The following TBCE variants were observed in gnomAD, a reference collection of about 807,000 sequenced individuals.
The protein encoded by TBCE is tubulin folding cofactor E, also known as tubulin-specific chaperone E.
In TBCE, 53 loss-of-function variants were observed where a neutral mutation model predicts 77.0. That is an observed-to-expected ratio of 0.69 (90% CI 0.55 to 0.87). The LOEUF (loss-of-function observed/expected upper bound fraction) is 0.87, where lower values mean the gene tolerates loss of function less well. Ranked by LOEUF, TBCE falls within the 40% of genes least tolerant of loss-of-function variation. The probability of loss-of-function intolerance (pLI) is 0.00; values close to 1 mark genes in which losing one functional copy is unlikely to be tolerated. For missense variants in TBCE, 624 were observed against 622.4 expected (o/e 1.00, Z -0.03); for synonymous variants, 235 against 241.3 (o/e 0.97, Z 0.24).
In TBCE at chr1:235,438,916, T is replaced by C. The variant is rs2102929618; in HGVS notation, c.1264T>C (p.Cys422Arg). The change falls in exon 13 of 17, where the codon TGC becomes CGC. Residue 422 changes from cysteine (C) to arginine (R), a missense_variant. By Grantham distance (180) the Cys-to-Arg change is radical (BLOSUM62 -3). Transcript: ENST00000642610. ...LTAHPRYQFL[C>R]LKYGAPEDWE... ...AGCCCATCCCAGATACCAGTTCCTC[T>C]GCCTGAGTACGTGCGTATACACTGG... 3 of 1,614,170 alleles carry C rather than the reference T, an allele frequency of 1.9e-6. No homozygotes were observed. The South Asian group carries it at 3.3e-5, about 18-fold the overall frequency.
At chr1:235,379,570 A>G (rs866770318) in intron 1 of TBCE, among the ~76,000 whole-genome samples, 1 of 151,440 alleles carries the variant, frequency 6.6e-6, no homozygotes, top group Non-Finnish European at 1.5e-5. Flanking sequence ...TTCTAGCGCA[A>G]ATGTATCGTT....
chr1:235,386,181 G>GATCCGCTGTTA, intron 2 of TBCE, among the ~76,000 whole-genome samples: 1 of 152,302 alleles, frequency 6.6e-6, no homozygotes, highest in South Asian at 2.1e-4. Flanking sequence ...TCTGCCAAGA[G>GATCCGCTGTTA]ATCCGCTGTT....
chr1:235,404,960 C>CTTTTTT (rs71174427), intron 3 of TBCE, among the ~76,000 whole-genome samples: 1 of 126,016 alleles, frequency 7.9e-6, no homozygotes, highest in African/African-American at 3.0e-5. Flanking sequence ...ATGCCCGGTA[C>CTTTTTT]TTTTTTTTTT....
At chr1:235,377,584 T>G (rs1306509456) in intron 1 of TBCE, among the ~76,000 whole-genome samples, 1 of 152,118 alleles carries the variant, frequency 6.6e-6, no homozygotes, top group Non-Finnish European at 1.5e-5. Flanking sequence ...ATGCTTAGAT[T>G]ATTCTGTAAT....
At chr1:235,395,764 C>T (rs748448654) in intron 2 of TBCE, among the ~76,000 whole-genome samples, 5 of 151,826 alleles carry the variant, frequency 3.3e-5, no homozygotes, top group Non-Finnish European at 7.4e-5. Flanking sequence ...AGGCTGCTCT[C>T]GAACTCCTGA....
rs746788701 is a variant in TBCE at position 235,448,754 on chromosome 1, C to T, written c.1576C>T (p.Arg526Ter). Reference sequence around the variant, plus strand: ...GGAAAATGGAGATTGTCTATTAGTGCGATGGTGACAACCAACTAATAAAAT... The same window carrying T: ...GGAAAATGGAGATTGTCTATTAGTGTGATGGTGACAACCAACTAATAAAAT... Reference protein sequence around the residue: ...SVENGDCLLVRW With the variant: ...SVENGDCLLV Residue 526 changes from arginine to a stop codon, truncating the protein, a stop_gained, in exon 17 of 17, where the codon CGA becomes TGA. Transcript: ENST00000642610. LOFTEE classifies it high-confidence loss of function. 21 of 1,610,228 alleles carry T rather than the reference C, an allele frequency of 1.3e-5. No individual in the cohort carries two copies. The highest frequency in any genetic ancestry group is 8.8e-5 in the South Asian group (8 of 90,982).
chr1:235,434,197 CTT>C lies in TBCE; in HGVS notation c.661-6_661-5del. On this transcript the variant is annotated splice_polypyrimidine_tract_variant and splice_region_variant and intron_variant, in intron 7 of 16. Transcript: ENST00000642610. ...CCGCCTGAGCCTGAACCGAGTTTCTCTTCCAGGTGCTGCGGTGTGTCGCGGGG... is the reference window on the plus strand; with the variant it reads ...CCGCCTGAGCCTGAACCGAGTTTCTCCCAGGTGCTGCGGTGTGTCGCGGGG... 1 of 1,614,098 alleles carries C rather than the reference CTT, an allele frequency of 6.2e-7. No individual in the cohort carries two copies. The highest frequency in any genetic ancestry group is 8.5e-7 in the Non-Finnish European group (1 of 1,179,974).
Position 235,430,677 on chromosome 1 carries a change from G to A in TBCE, c.561-28G>A, listed in dbSNP as rs1681033477. 25 of 1,530,184 alleles carry A rather than the reference G, an allele frequency of 1.6e-5. No individual in the cohort carries two copies. The East Asian group carries it at 5.7e-4, about 35-fold the overall frequency. 94.8% of individuals were successfully genotyped at this position (1,530,184 alleles called of 1,614,324 possible). On this transcript the variant is annotated intron_variant, in intron 6 of 16. Coordinates refer to ENST00000642610, the MANE Select transcript of TBCE (RefSeq NM_003193.5). ...AGTTGGGTTTACTGTATAGAAATAA[G>A]TACATTGTATCTTTTTTTTCTACAC...
chr1:235,438,902 G>C lies in TBCE; in HGVS notation c.1250G>C (p.Arg417Thr). 1 of 1,614,146 alleles carries C rather than the reference G, an allele frequency of 6.2e-7. No homozygotes were observed. The highest frequency in any genetic ancestry group is 8.5e-7 in the Non-Finnish European group (1 of 1,180,038). The change falls in exon 13 of 17, where the codon AGA (arginine) becomes ACA (threonine). Residue 417 changes from arginine (R) to threonine (T), a missense_variant. Physicochemically the swap from Arg to Thr is moderately conservative, Grantham distance 71. Coordinates refer to ENST00000642610, the MANE Select transcript of TBCE (RefSeq NM_003193.5). ...GAAGAATTCCTCACAGCCCATCCCA[G>C]ATACCAGTTCCTCTGCCTGAGTACG... ...LSEEFLTAHP[R>T]YQFLCLKYGA...
At chr1:235,371,323 T>C (rs1354245031) in intron 1 of TBCE, among the ~76,000 whole-genome samples, 1 of 151,408 alleles carries the variant, frequency 6.6e-6, no homozygotes, top group Non-Finnish European at 1.5e-5. Context: ...CTCAAACTGC[T>C]GGGATTACAG....
chr1:235,414,390 G>A (rs754436892), intron 3 of TBCE, 43 bp from the exon 4 acceptor site: 78 of 1,598,698 alleles, frequency 4.9e-5, no homozygotes, highest in Non-Finnish European at 6.6e-5. Flanking sequence ...GGCCTTTCTT[G>A]GTGGGTAATA....
rs186707182 is a variant in TBCE, at chr1:235,392,874, A to G, written c.101-8629A>G. Among the ~76,000 whole-genome samples, 38 of 152,082 alleles carry G rather than the reference A, an allele frequency of 2.5e-4. No individual in the cohort carries two copies. In the East Asian group the frequency reaches 6.4e-3, roughly 26 times the overall value. On this transcript the variant is annotated intron_variant, in intron 2 of 16. Transcript: ENST00000642610. ...CTGTCTTTTAACAAAATTATTTGCC[A>G]GGCATGGTGACTCAGGCCTGTAGTC... is the stretch of plus-strand genomic sequence containing the variant.
At position 235,451,658 on chromosome 1, in the gene TBCE, A is replaced by T. The variant is rs1175882689; in HGVS notation, c.*2896A>T. 6.6e-6 allele frequency: 1 copy of T among 152,200 alleles called. No homozygotes were observed. Among genetic ancestry groups the T allele is most frequent in the Non-Finnish European group, 1.5e-5 (1 of 68,034 alleles). The allele number at this position is 152,200 out of a possible 1,614,324, so 9.4% of individuals were successfully genotyped here. On this transcript the variant is annotated 3_prime_UTR_variant, in exon 17 of 17. Transcript: ENST00000642610. ...AGGAATCAGACTATCAAAGTGGACC[A>T]TGTAGATGTGGGTTGATTTCTTGTC...
At chr1:235,410,082 T>G (rs894406749) in intron 3 of TBCE, among the ~76,000 whole-genome samples, 37 of 145,378 alleles carry the variant, frequency 2.5e-4, no homozygotes, top group Non-Finnish European at 2.9e-4. Flanking sequence ...GGGCGTGGTG[T>G]TGCACGCCTG....
At chr1:235,439,645 G>T (rs1287255146) in intron 13 of TBCE, among the ~76,000 whole-genome samples, 1 of 147,168 alleles carries the variant, frequency 6.8e-6, no homozygotes, top group African/African-American at 2.5e-5. Context: ...CCGCCACCAC[G>T]CCCGACTAAT....
At chr1:235,432,250 C>G (rs904189581) in intron 7 of TBCE, among the ~76,000 whole-genome samples, 2 of 152,196 alleles carry the variant, frequency 1.3e-5, no homozygotes, top group Non-Finnish European at 2.9e-5. Flanking sequence ...TCCCAAAATG[C>G]TGGGATTACA....
At chr1:235,435,248 G>A (rs1681369073) in intron 8 of TBCE, among the ~76,000 whole-genome samples, 1 of 151,708 alleles carries the variant, frequency 6.6e-6, no homozygotes, top group South Asian at 2.1e-4. Flanking sequence ...CTACAGGCAC[G>A]TGCCACCATG....
intron 2 of TBCE, 58 bp from the exon 3 acceptor site, chr1:235,401,445 A>AC: frequency 6.8e-7 from 1 of 1,461,022 alleles, no homozygotes; most frequent in East Asian, 2.3e-5. Flanking sequence ...CTTGCAGAAA[A>AC]CTGGAGCATT....
chr1:235,400,561 T>A (rs1369336887), intron 2 of TBCE, among the ~76,000 whole-genome samples: 2 of 150,904 alleles, frequency 1.3e-5, no homozygotes, highest in Admixed American at 6.6e-5. Context: ...CCACCGTGCC[T>A]GGCTAATTTT....
Sources: gnomAD v4.1 joint callset for allele counts (sites outside exome capture counted in the v4.1 genomes callset) on GRCh38, gnomAD v4.1.1 for gene constraint, MANE v1.5 for transcripts, NCBI Gene and HGNC (gene_info 2026-07-23, HGNC 2026-07-21) for gene names.